Variants in MAN1C1 observed in about 807,000 individuals in gnomAD.
MAN1C1 encodes mannosidase alpha class 1C member 1, also known as mannosyl-oligosaccharide 1,2-alpha-mannosidase IC.
Under a neutral mutation model 71.5 loss-of-function variants are expected in MAN1C1, and 49 were observed. The ratio of observed to expected loss-of-function variants is 0.69; its 90% CI spans 0.54 to 0.87. The LOEUF is 0.87. MAN1C1 is among the 40% of genes least tolerant of loss of function. The pLI, the probability that MAN1C1 is intolerant of heterozygous loss-of-function variation, is 0.00. For synonymous variants in MAN1C1, 352 were observed against 343.7 expected, an observed-to-expected ratio of 1.02 and a Z score of -0.27; for missense variants, 743 against 835.0, an observed-to-expected ratio of 0.89 and a Z score of 1.36.
intron 1 of MAN1C1, among the ~76,000 whole-genome samples, chr1:25,629,702 T>C (rs75142126): frequency 9.2e-5 from 14 of 152,078 alleles, no homozygotes; most frequent in African/African-American, 3.1e-4. Context: ...ATTACAGGTG[T>C]GAGCCACTGC....
chr1:25,773,803 G>A (rs2047585067), intron 8 of MAN1C1, among the ~76,000 whole-genome samples: 1 of 152,222 alleles, frequency 6.6e-6, no homozygotes, highest in African/African-American at 2.4e-5. Context: ...GATCTTCCCA[G>A]TGAAGAGCCT....
chr1:25,726,824 G>A (rs1358692441), intron 2 of MAN1C1, among the ~76,000 whole-genome samples: 3 of 151,692 alleles, frequency 2.0e-5, no homozygotes, highest in African/African-American at 7.3e-5. Context: ...GGGAGGCCAA[G>A]GTGGGAGGAT....
chr1:25,757,209 C>G (rs1572198877), intron 5 of MAN1C1, among the ~76,000 whole-genome samples: 1 of 152,212 alleles, frequency 6.6e-6, no homozygotes, highest in Non-Finnish European at 1.5e-5. Context: ...TCCACACCCC[C>G]ACGCCTGCCT....
At chr1:25,686,891 A>T (rs2046238909) in intron 2 of MAN1C1, among the ~76,000 whole-genome samples, 1 of 151,964 alleles carries the variant, frequency 6.6e-6, no homozygotes, top group Non-Finnish European at 1.5e-5. Flanking sequence ...GTTTAAATCC[A>T]CTCCTCTGGA....
At chr1:25,734,562 G>C (rs2046955058) in intron 2 of MAN1C1, among the ~76,000 whole-genome samples, 1 of 152,250 alleles carries the variant, frequency 6.6e-6, no homozygotes, top group Non-Finnish European at 1.5e-5. Flanking sequence ...AGCTTTTGTG[G>C]GGGTGTCCAC....
intron 1 of MAN1C1, among the ~76,000 whole-genome samples, chr1:25,659,373 A>C (rs373856687): frequency 2.1e-4 from 32 of 152,230 alleles, no homozygotes; most frequent in Admixed American, 1.3e-3. Context: ...TGGTCCTCAG[A>C]CTGCAGTTTC....
At chr1:25,767,907 CATT>C (rs2047467251) in intron 7 of MAN1C1, among the ~76,000 whole-genome samples, 36 of 110,608 alleles carry the variant, frequency 3.3e-4, no homozygotes, top group East Asian at 6.0e-4. Flanking sequence ...CATACACACA[CATT>C]ACACACTCCC....
intron 1 of MAN1C1, among the ~76,000 whole-genome samples, chr1:25,649,062 AT>A (rs1414940896): frequency 1.3e-5 from 2 of 152,180 alleles, no homozygotes; most frequent in African/African-American, 4.8e-5. Context: ...TTCCTTAGGA[AT>A]TTCACAAGCA....
At chr1:25,687,532 C>T (rs1043454170) in intron 2 of MAN1C1, among the ~76,000 whole-genome samples, 4 of 152,184 alleles carry the variant, frequency 2.6e-5, no homozygotes, top group African/African-American at 9.7e-5. Flanking sequence ...AGTCAGGAAC[C>T]AAATAACTGA....
intron 1 of MAN1C1, among the ~76,000 whole-genome samples, chr1:25,666,049 A>G (rs1357429013): frequency 1.3e-5 from 2 of 151,962 alleles, no homozygotes; most frequent in Admixed American, 6.5e-5. Flanking sequence ...CTCATCTCTC[A>G]GGCATTTGCT....
In MAN1C1 at chr1:25,618,238, A is replaced by G. The variant is rs1166746188; in HGVS notation, c.441A>G (p.Ala147=). The change falls in exon 1 of 12, where the codon GCA becomes GCG. Residue 147 remains alanine (A), a synonymous_variant. Transcript: ENST00000374332. ...TCCCTTTCCGCTTTGACTTCAACGCATTCCGGAGCCGTCTCCGCCACCCGG... is the reference window on the plus strand; with the variant it reads ...TCCCTTTCCGCTTTGACTTCAACGCGTTCCGGAGCCGTCTCCGCCACCCGG... ...EGVPFRFDFN[A]FRSRLRHPVL... The G allele has an allele frequency of 1.2e-6, 2 of 1,602,402 alleles. No individual in the cohort carries two copies. The highest frequency in any genetic ancestry group is 1.3e-5 in the African/African-American group (1 of 74,622).
rs2045310343 is a variant in MAN1C1, at chr1:25,627,264, CTCTTCTCTTCTCTTG to C, written c.540+8939_540+8953del. On this transcript the variant is annotated intron_variant, in intron 1 of 11. Coordinates refer to ENST00000374332, the MANE Select transcript of MAN1C1 (RefSeq NM_020379.4). ...TCATTCCATTCTTTTCTCTTCTCTT[CTCTTCTCTTCTCTTG>C]TCTTCTCTTCTTCTCTTCTCTTCTC... Among the ~76,000 whole-genome samples the C allele has an allele frequency of 2.0e-5, 3 of 149,888 alleles. No homozygotes were observed. In the South Asian group the frequency reaches 6.3e-4, roughly 31 times the overall value.
Position 25,764,266 on chromosome 1 carries a change from T to G in MAN1C1, c.1141+299T>G, listed in dbSNP as rs1040965566. Among the ~76,000 whole-genome samples the G allele has an allele frequency of 1.1e-4, 16 of 152,270 alleles. No homozygotes were observed. Among genetic ancestry groups the G allele is most frequent in the African/African-American group, 3.6e-4 (15 of 41,548 alleles). On this transcript the variant is annotated intron_variant, in intron 7 of 11. Transcript: ENST00000374332. This position sits in a 1 kb window ranked among gnomAD's most constrained non-coding sequence, Gnocchi z 4.4. The stretch of plus-strand genomic sequence containing the variant: ...CAATGGCGCAGCCTTCCATCTCTTA[T>G]GCTGCTGCGGGAGCCTCCTGCATTA...
chr1:25,715,706 A>T (rs1409443367), intron 2 of MAN1C1, among the ~76,000 whole-genome samples: 2 of 152,204 alleles, frequency 1.3e-5, no homozygotes, highest in African/African-American at 2.4e-5. Context: ...CTCTCCCTTG[A>T]GCAGTATAGA....
rs3014712 is a variant in MAN1C1, at chr1:25,664,865, T to C, written c.541-21575T>C. ...ATGCTGGTGGCCCAGTCTCCAGCCA[T>C]TGCTACTTGGAGGATCCGTCACTGT... On this transcript the variant is annotated intron_variant, in intron 1 of 11. Coordinates refer to ENST00000374332, the MANE Select transcript of MAN1C1 (RefSeq NM_020379.4). 6.6e-5 allele frequency among the ~76,000 whole-genome samples: 10 copies of C among 152,218 alleles called. No individual in the cohort carries two copies. In the South Asian group the frequency reaches 2.1e-3, roughly 32 times the overall value.
At chr1:25,695,800 G>A (rs376027781) in intron 2 of MAN1C1, among the ~76,000 whole-genome samples, 3 of 152,224 alleles carry the variant, frequency 2.0e-5, no homozygotes, top group Admixed American at 2.0e-4. Context: ...CCTTGGGTTC[G>A]TGTCCCCGCT....
At position 25,663,171 on chromosome 1, in the gene MAN1C1, A is replaced by G. The variant is rs943331835; in HGVS notation, c.541-23269A>G. Reference sequence around the variant, plus strand: ...AAATACATGTATATATATTTTATTTATATATTATTTTAAATATATATAAAA... The same window carrying G: ...AAATACATGTATATATATTTTATTTGTATATTATTTTAAATATATATAAAA... On this transcript the variant is annotated intron_variant, in intron 1 of 11. Transcript: ENST00000374332. Among the ~76,000 whole-genome samples, 4 of 148,070 alleles carry G rather than the reference A, an allele frequency of 2.7e-5. 1 individual carries two copies. In the Admixed American group the frequency reaches 2.7e-4, roughly 10 times the overall value.
chr1:25,617,116 C>T lies in MAN1C1; in HGVS notation c.-682C>T, dbSNP rs2045109958. On this transcript the variant is annotated 5_prime_UTR_variant, in exon 1 of 12. Coordinates refer to ENST00000374332, the MANE Select transcript of MAN1C1 (RefSeq NM_020379.4). The surrounding 1 kb of genome is among the most constrained non-coding windows in gnomAD (Gnocchi z 5.1). ...TCTGGGGCCCGGGGGAAGCCCCCTG[C>T]CCCCGCAGGCTCGGAAGTGCCTGCT... Among the ~76,000 whole-genome samples, 1 of 151,808 alleles carries T rather than the reference C, an allele frequency of 6.6e-6. No homozygotes were observed. The highest frequency in any genetic ancestry group is 1.5e-5 in the Non-Finnish European group (1 of 67,896).
At chr1:25,706,421 C>CT (rs1472023442) in intron 2 of MAN1C1, among the ~76,000 whole-genome samples, 1 of 152,124 alleles carries the variant, frequency 6.6e-6, no homozygotes, top group African/African-American at 2.4e-5. Flanking sequence ...GGAGACCTGC[C>CT]TTAGGGGAGT....
Sources: allele counts gnomAD v4.1 joint callset (sites outside exome capture counted in the v4.1 genomes callset), GRCh38; gene constraint gnomAD v4.1.1; non-coding constraint Gnocchi (gnomAD v3.1); transcripts MANE v1.5; gene names NCBI Gene and HGNC (gene_info 2026-07-23, HGNC 2026-07-21).